The following SEZ6L variants were observed in gnomAD, a reference collection of about 807,000 sequenced individuals.
SEZ6L encodes seizure 6-like protein.
In SEZ6L, 37 loss-of-function variants were observed where a neutral mutation model predicts 106.2. The observed-to-expected ratio is 0.35, with a 90% confidence interval of 0.27 to 0.46. The LOEUF is 0.46. Ranked by LOEUF, SEZ6L falls within the 20% of genes least tolerant of loss-of-function variation. SEZ6L has a pLI of 1.00. For missense variants in SEZ6L, 1,172 were observed against 1,332.8 expected (o/e 0.88, Z 1.88); for synonymous variants, 541 against 570.4 (o/e 0.95, Z 0.73).
chr22:26,285,537 A>G (rs766374398), intron 1 of SEZ6L, among the ~76,000 whole-genome samples: 2 of 152,200 alleles, frequency 1.3e-5, no homozygotes, highest in Non-Finnish European at 2.9e-5. Flanking sequence ...CACCCAGGAA[A>G]CATCTGGCAG....
At chr22:26,280,171 G>T (rs2080715109) in intron 1 of SEZ6L, among the ~76,000 whole-genome samples, 1 of 152,056 alleles carries the variant, frequency 6.6e-6, no homozygotes, top group African/African-American at 2.4e-5. Context: ...ACTGAGTTGT[G>T]TTGACATACA....
At chr22:26,350,926 G>A in intron 11 of SEZ6L, 126 bp from the exon 12 acceptor site, 1 of 877,800 alleles carries the variant, frequency 1.1e-6, no homozygotes, top group Middle Eastern at 3.7e-4. Flanking sequence ...AAATTGCTGG[G>A]ACTACAGGCG....
intron 1 of SEZ6L, among the ~76,000 whole-genome samples, chr22:26,180,559 C>G (rs1433402042): frequency 1.3e-5 from 2 of 152,154 alleles, no homozygotes; most frequent in Non-Finnish European, 2.9e-5. Flanking sequence ...AATGTGCAGT[C>G]TTCACATTAT....
intron 1 of SEZ6L, among the ~76,000 whole-genome samples, chr22:26,235,388 C>A (rs1161414682): frequency 6.6e-6 from 1 of 152,142 alleles, no homozygotes; most frequent in African/African-American, 2.4e-5. Flanking sequence ...ATTCAACAAA[C>A]ATTTACTCAA....
At chr22:26,197,531 A>G (rs1940661403) in intron 1 of SEZ6L, among the ~76,000 whole-genome samples, 1 of 152,184 alleles carries the variant, frequency 6.6e-6, no homozygotes. Flanking sequence ...GGGTCCTGGT[A>G]TAGTGACAAA....
In SEZ6L at chr22:26,379,259, G is replaced by A. The variant is rs2084334225; in HGVS notation, c.3046-1007G>A. On this transcript the variant is annotated intron_variant, in intron 16 of 16. Coordinates refer to ENST00000248933, the MANE Select transcript of SEZ6L (RefSeq NM_021115.5). ...TGGCTTCTTCAGAGCCAGCAACAGA[G>A]AGAGAGTCATCTTGCAAGACAGAAG... is the stretch of plus-strand genomic sequence containing the variant. Among the ~76,000 whole-genome samples, 4 of 152,344 alleles carry A rather than the reference G, an allele frequency of 2.6e-5. No individual in the cohort carries two copies. The South Asian group carries it at 8.3e-4, about 32-fold the overall frequency.
At chr22:26,183,600 A>C (rs920236584) in intron 1 of SEZ6L, among the ~76,000 whole-genome samples, 1 of 152,248 alleles carries the variant, frequency 6.6e-6, no homozygotes, top group Non-Finnish European at 1.5e-5. Flanking sequence ...GAGAACCTCC[A>C]ATAACCATCC....
intron 1 of SEZ6L, among the ~76,000 whole-genome samples, chr22:26,280,715 G>A (rs2080735636): frequency 3.3e-5 from 5 of 152,060 alleles, no homozygotes; most frequent in Admixed American, 2.6e-4. Context: ...ATTGACATAG[G>A]GTTGAACCCA....
At chr22:26,225,295 C>T (rs182266550) in intron 1 of SEZ6L, among the ~76,000 whole-genome samples, 2 of 152,340 alleles carry the variant, frequency 1.3e-5, no homozygotes, top group South Asian at 2.1e-4. Context: ...GAGAGATTGG[C>T]TTGCCTCCCC....
intron 9 of SEZ6L, among the ~76,000 whole-genome samples, chr22:26,331,529 CT>C (rs2082480303): frequency 6.6e-6 from 1 of 152,100 alleles, no homozygotes; most frequent in Non-Finnish European, 1.5e-5. Flanking sequence ...TAACAGAAAG[CT>C]TTTATCTATC....
At chr22:26,319,408 A>G (rs2082092633) in intron 9 of SEZ6L, among the ~76,000 whole-genome samples, 1 of 152,156 alleles carries the variant, frequency 6.6e-6, no homozygotes, top group African/African-American at 2.4e-5. Context: ...TCCCTGTTTT[A>G]TTTGGACTTA....
intron 10 of SEZ6L, among the ~76,000 whole-genome samples, chr22:26,344,823 A>G (rs1420655204): frequency 6.6e-6 from 1 of 152,250 alleles, no homozygotes; most frequent in Non-Finnish European, 1.5e-5. Context: ...AGACAATGTA[A>G]TAATTCTTGA....
chr22:26,256,119 G>A (rs2079810035), intron 1 of SEZ6L, among the ~76,000 whole-genome samples: 1 of 152,146 alleles, frequency 6.6e-6, no homozygotes, highest in Non-Finnish European at 1.5e-5. Flanking sequence ...AAATAAATAA[G>A]CAAAGATAAA....
intron 1 of SEZ6L, among the ~76,000 whole-genome samples, chr22:26,232,325 G>GTC (rs148821211): frequency 3.6e-5 from 5 of 139,510 alleles, no homozygotes; most frequent in South Asian, 4.7e-4. Context: ...AAGTCATTAA[G>GTC]TCTCTCTCTC....
At chr22:26,305,886 C>G in intron 5 of SEZ6L, 93 bp from the exon 6 acceptor site, 33 of 1,255,766 alleles carry the variant, frequency 2.6e-5, no homozygotes, top group Non-Finnish European at 3.2e-5. Flanking sequence ...ACACTCACTT[C>G]CTTCTCTCTC....
At chr22:26,352,543 TATG>T (rs1478965245) in intron 12 of SEZ6L, among the ~76,000 whole-genome samples, 22 of 152,382 alleles carry the variant, frequency 1.4e-4, no homozygotes, top group African/African-American at 4.8e-4. Flanking sequence ...CTATAGTGGC[TATG>T]TTTTGTGACT....
chr22:26,332,843 T>TG (rs1362513443), intron 9 of SEZ6L, among the ~76,000 whole-genome samples: 2 of 152,214 alleles, frequency 1.3e-5, no homozygotes, highest in Non-Finnish European at 2.9e-5. Flanking sequence ...GTGGCTTTCA[T>TG]GGGCTGTTGT....
intron 13 of SEZ6L, among the ~76,000 whole-genome samples, chr22:26,369,269 G>A (rs1257523817): frequency 6.6e-6 from 1 of 151,330 alleles, no homozygotes; most frequent in Non-Finnish European, 1.5e-5. Context: ...TAGCATGAGG[G>A]TTGCAATTTA....
At chr22:26,341,906 A>G (rs2082849052) in intron 10 of SEZ6L, among the ~76,000 whole-genome samples, 1 of 152,304 alleles carries the variant, frequency 6.6e-6, no homozygotes, top group East Asian at 1.9e-4. Flanking sequence ...GGACTGGGAC[A>G]CCATGAAGTC....
Sources: gnomAD v4.1 joint callset for allele counts (sites outside exome capture counted in the v4.1 genomes callset) on GRCh38, gnomAD v4.1.1 for gene constraint, MANE v1.5 for transcripts, NCBI Gene and HGNC (gene_info 2026-07-23, HGNC 2026-07-21) for gene names.